The following MED12L variants were observed in gnomAD, a reference collection of about 807,000 sequenced individuals.
MED12L encodes the protein mediator of RNA polymerase II transcription subunit 12-like protein.
Under a neutral mutation model 281.3 loss-of-function variants are expected in MED12L, and 60 were observed. The observed-to-expected ratio is 0.21, with a 90% CI of 0.17 to 0.26. MED12L has a LOEUF of 0.26. Ranked by LOEUF, MED12L falls within the 10% of genes least tolerant of loss-of-function variation. The probability of loss-of-function intolerance (pLI) is 1.00; values close to 1 mark genes in which losing one functional copy is unlikely to be tolerated. For missense variants in MED12L, 2,146 were observed against 2,680.9 expected (o/e 0.80, Z 4.41); for synonymous variants, 974 against 987.2 (o/e 0.99, Z 0.25).
chr3:151,211,557 G>GA (rs570438634), intron 16 of MED12L, among the ~76,000 whole-genome samples: 276 of 151,686 alleles, frequency 1.8e-3, no homozygotes, highest in Middle Eastern at 6.8e-3. Flanking sequence ...GATACTGAGG[G>GA]AAAAAAAACC....
At chr3:151,169,189 C>T (rs1250159281) in intron 11 of MED12L, among the ~76,000 whole-genome samples, 3 of 142,974 alleles carry the variant, frequency 2.1e-5, no homozygotes, top group East Asian at 4.1e-4. Context: ...GTGATCTTGG[C>T]TCACTGCAAC....
In MED12L at chr3:151,435,382, C is replaced by G. The variant is rs568858155; in HGVS notation, c.*2578C>G. On this transcript the variant is annotated 3_prime_UTR_variant, in exon 45 of 45. Coordinates refer to ENST00000687756, the MANE Select transcript of MED12L (RefSeq NM_001393769.1). ...TTCTTGGCCTGGAAGTAGAGGAGAT[C>G]AATGCGTAGCTTTGACCACTTCCAG... 5 of 152,134 alleles carry G rather than the reference C, an allele frequency of 3.3e-5. 1 individual carries two copies. Among genetic ancestry groups the G allele is most frequent in the Admixed American group, 3.3e-4 (5 of 15,286 alleles). The allele number at this position is 152,134 out of a possible 1,614,324, so 9.4% of individuals were successfully genotyped here.
intron 5 of MED12L, 34 bp downstream of exon 5, chr3:151,128,018 A>G (rs760532621): frequency 1.3e-6 from 2 of 1,577,574 alleles, no homozygotes; most frequent in Non-Finnish European, 1.7e-6. Context: ...CTTACATTTC[A>G]TTATTGATTT....
chr3:151,193,778 G>T (rs1724280798), intron 16 of MED12L, 112 bp downstream of exon 16: 8 of 961,586 alleles, frequency 8.3e-6, no homozygotes, highest in Non-Finnish European at 1.2e-5. Context: ...TAGCAGGTGA[G>T]TTTTTTGCAT....
At chr3:151,430,990 T>C (rs2108486018) in intron 44 of MED12L, among the ~76,000 whole-genome samples, 1 of 152,224 alleles carries the variant, frequency 6.6e-6, no homozygotes, top group African/African-American at 2.4e-5. Flanking sequence ...AATTTACCAA[T>C]AGCCCATTTC....
intron 16 of MED12L, among the ~76,000 whole-genome samples, chr3:151,298,950 A>G (rs773109230): frequency 7.9e-5 from 12 of 152,234 alleles, no homozygotes; most frequent in Non-Finnish European, 1.3e-4. Context: ...CTATTTGACA[A>G]TGCTGGTTTA....
At chr3:151,337,027 A>G (rs1577362513) in intron 16 of MED12L, 1 of 152,274 alleles carries the variant, frequency 6.6e-6, no homozygotes, top group South Asian at 2.1e-4. Flanking sequence ...TCTAGAAGCT[A>G]ATTAATAAAG....
At chr3:151,199,018 G>A in intron 16 of MED12L, 1 of 1,614,120 alleles carries the variant, frequency 6.2e-7, no homozygotes, top group Non-Finnish European at 8.5e-7. Context: ...CTTGTATTCG[G>A]TAGATCTTGC....
rs148513928 is a variant in MED12L, at chr3:151,394,667, T to C, written c.5620T>C (p.Leu1874=). 434 of 1,614,138 alleles carry C rather than the reference T, an allele frequency of 2.7e-4. No homozygotes were observed. The highest frequency in any genetic ancestry group is 3.5e-4 in the Non-Finnish European group (418 of 1,180,040). Residue 1874 remains leucine (L), a synonymous_variant, in exon 39 of 45, where the codon TTG becomes CTG. Coordinates refer to ENST00000687756, the MANE Select transcript of MED12L (RefSeq NM_001393769.1). ...GGTTGCTTTTGTAGGTGGCTCCAGA[T>C]TGGACCCTGCAGGCTCCTTTGTCCC... The part of the protein sequence containing the change: ...NQSLTPGGSR[L]DPAGSFVPTN...
At chr3:151,199,194 G>A in intron 16 of MED12L, 1 of 1,614,124 alleles carries the variant, frequency 6.2e-7, no homozygotes, top group Non-Finnish European at 8.5e-7. Flanking sequence ...GGTAATGCCA[G>A]AGTAAGCAGG....
chr3:151,157,135 CT>C (rs1719391389), intron 6 of MED12L, among the ~76,000 whole-genome samples: 1 of 152,030 alleles, frequency 6.6e-6, no homozygotes, highest in South Asian at 2.1e-4. Flanking sequence ...GCTTTTATGA[CT>C]TTTACTGGGC....
chr3:151,384,832 T>A lies in MED12L; in HGVS notation c.4927-198T>A, dbSNP rs996265659. 7.7e-6 allele frequency: 4 copies of A among 522,552 alleles called. No individual in the cohort carries two copies. In the African/African-American group the frequency reaches 8.0e-5, roughly 10 times the overall value. 32.4% of individuals were successfully genotyped at this position (522,552 alleles called of 1,614,324 possible). A position where few individuals can be genotyped will look rare whatever the true frequency, so the allele number is the denominator to read the frequency against. On this transcript the variant is annotated intron_variant, in intron 35 of 44. Transcript: ENST00000687756. ...AACAGTGCCTTTGTATGTGTTCTATTTTCTACTTAAATAGAAGAAATGAAA... is the reference window on the plus strand; with the variant it reads ...AACAGTGCCTTTGTATGTGTTCTATATTCTACTTAAATAGAAGAAATGAAA...
intron 8 of MED12L, among the ~76,000 whole-genome samples, chr3:151,161,964 A>G (rs1720055428): frequency 6.6e-6 from 1 of 152,212 alleles, no homozygotes; most frequent in Admixed American, 6.5e-5. Context: ...AAGGAGCCAA[A>G]TTAAGGAATG....
At position 151,328,565 on chromosome 3, in the gene MED12L, G is replaced by C. The variant is rs1218584463; in HGVS notation, c.2251-21494G>C. On this transcript the variant is annotated intron_variant, in intron 16 of 44. Transcript: ENST00000687756. ...GAACAAAAAGAACCAGATGAAGATT[G>C]AGACCGTTTTTGCAAAAACAGGTTT... 2.5e-6 allele frequency: 4 copies of C among 1,613,746 alleles called. 1 individual carries two copies. The South Asian group carries it at 4.4e-5, about 18-fold the overall frequency.
intron 16 of MED12L, among the ~76,000 whole-genome samples, chr3:151,329,225 C>T (rs774009941): frequency 6.6e-6 from 1 of 152,164 alleles, no homozygotes; most frequent in Non-Finnish European, 1.5e-5. Flanking sequence ...AGTACCATTA[C>T]TTTCACATCC....
intron 16 of MED12L, among the ~76,000 whole-genome samples, chr3:151,349,384 G>A (rs148608127): frequency 1.3e-5 from 2 of 152,250 alleles, no homozygotes; most frequent in Non-Finnish European, 2.9e-5. Flanking sequence ...ACACCTACAC[G>A]CTTTATTGTT....
At chr3:151,422,819 C>CTTT (rs34923048) in intron 43 of MED12L, among the ~76,000 whole-genome samples, 43 of 131,004 alleles carry the variant, frequency 3.3e-4, no homozygotes, top group African/African-American at 7.9e-4. Flanking sequence ...TGATTCATTG[C>CTTT]TTTTTTTTTT....
At chr3:151,361,489 T>G (rs958115695) in intron 21 of MED12L, among the ~76,000 whole-genome samples, 1 of 152,188 alleles carries the variant, frequency 6.6e-6, no homozygotes, top group Non-Finnish European at 1.5e-5. Context: ...GTTAACCTAC[T>G]TGCTATCTTA....
rs1214524793 is a variant in MED12L at position 151,299,394 on chromosome 3, T to TCTTTTCTTTTCTTTTCTTTG, written c.2251-50659_2251-50658insTTTTCTTTTCTTTGCTTTTC. On this transcript the variant is annotated intron_variant, in intron 16 of 44. Transcript: ENST00000687756. ...TCTTTTCTTTTCTTTTCTTTTCTTT[T>TCTTTTCTTTTCTTTTCTTTG]CTTTTCCCCTCCCCTCCCCTCCCCT... is the stretch of plus-strand genomic sequence containing the variant. 7.7e-5 allele frequency among the ~76,000 whole-genome samples: 11 copies of TCTTTTCTTTTCTTTTCTTTG among 142,768 alleles called. 1 individual carries two copies. Among genetic ancestry groups the TCTTTTCTTTTCTTTTCTTTG allele is most frequent in the Admixed American group, 7.1e-4 (10 of 14,050 alleles). The allele number at this position is 142,768 out of a possible 152,430, so 93.7% of individuals were successfully genotyped here.
Sources: gnomAD v4.1 joint callset for allele counts (sites outside exome capture counted in the v4.1 genomes callset) on GRCh38, gnomAD v4.1.1 for gene constraint, MANE v1.5 for transcripts, NCBI Gene and HGNC (gene_info 2026-07-23, HGNC 2026-07-21) for gene names.